Variants in AR observed in about 807,000 individuals in gnomAD.
AR encodes the protein androgen receptor, also known as dihydrotestosterone receptor.
AR carries 8 observed loss-of-function variants against 53.9 expected under a neutral mutation model. That is an observed-to-expected ratio of 0.15 (90% CI 0.09 to 0.27). AR has a LOEUF of 0.27. AR is among the 10% of genes least tolerant of loss of function. The pLI, the probability that AR is intolerant of heterozygous loss-of-function variation, is 1.00. For missense variants in AR, 639 were observed against 742.5 expected, an observed-to-expected ratio of 0.86 and a Z score of 1.62; for synonymous variants, 359 against 316.4, an observed-to-expected ratio of 1.13 and a Z score of -1.43.
intron 1 of AR, among the ~76,000 whole-genome samples, chrX:67,606,038 A>G (rs1433913777): frequency 8.9e-6 from 1 of 112,098 alleles, no homozygotes; most frequent in South Asian, 3.8e-4. Context: ...GGAGACAAAT[A>G]TATGAGCAAA....
intron 2 of AR, among the ~76,000 whole-genome samples, chrX:67,670,712 A>G (rs753085434): frequency 9.1e-6 from 1 of 110,394 alleles, no homozygotes; most frequent in African/African-American, 3.3e-5. Context: ...CCTGCCATAT[A>G]CATTAAGTAT....
At position 67,715,558 on chromosome X, in the gene AR, A is replaced by G. The variant is rs559603544; in HGVS notation, c.2174-1920A>G. On this transcript the variant is annotated intron_variant, in intron 4 of 7. Coordinates refer to ENST00000374690, the MANE Select transcript of AR (RefSeq NM_000044.6). ...TTCAGACCTGATCCTATGGCTGACAAAAGCTGGTGACCTTGGTAGTTCCTG... is the reference window on the plus strand; with the variant it reads ...TTCAGACCTGATCCTATGGCTGACAGAAGCTGGTGACCTTGGTAGTTCCTG... Among the ~76,000 whole-genome samples, 9 of 111,976 alleles carry G rather than the reference A, an allele frequency of 8.0e-5. No individual in the cohort carries two copies. The South Asian group carries it at 3.4e-3, about 42-fold the overall frequency.
chrX:67,575,029 T>C (rs1921987764), intron 1 of AR, among the ~76,000 whole-genome samples: 1 of 111,393 alleles, frequency 9.0e-6, no homozygotes, highest in South Asian at 3.8e-4. Context: ...AAAATGTTTC[T>C]TTGTAGGACA....
At chrX:67,704,403 T>C (rs1477966627) in intron 3 of AR, among the ~76,000 whole-genome samples, 1 of 112,604 alleles carries the variant, frequency 8.9e-6, no homozygotes, top group Non-Finnish European at 1.9e-5. Context: ...CCAGTGATGA[T>C]GAGCATTTTT....
At chrX:67,722,252 T>C in intron 6 of AR, 1 of 309,063 alleles carries the variant, frequency 3.2e-6, no homozygotes, top group Non-Finnish European at 5.8e-6. Context: ...AGCAGGTCTC[T>C]GAATTTTTCC....
At chrX:67,647,962 C>T (rs1457116614) in intron 2 of AR, among the ~76,000 whole-genome samples, 1 of 112,075 alleles carries the variant, frequency 8.9e-6, no homozygotes, top group Non-Finnish European at 1.9e-5. Flanking sequence ...AGAAATCATT[C>T]TTAGCTCTTT....
intron 1 of AR, among the ~76,000 whole-genome samples, chrX:67,627,708 G>T (rs1470657979): frequency 9.0e-6 from 1 of 111,715 alleles, no homozygotes; most frequent in Non-Finnish European, 1.9e-5. Flanking sequence ...TGAAGTCCTT[G>T]CCCATGCCTA....
At chrX:67,658,809 T>C (rs1428947849) in intron 2 of AR, among the ~76,000 whole-genome samples, 1 of 111,850 alleles carries the variant, frequency 8.9e-6, no homozygotes, top group African/African-American at 3.2e-5. Flanking sequence ...CAGGGCAGCA[T>C]GGGAGATTCA....
intron 1 of AR, among the ~76,000 whole-genome samples, chrX:67,602,666 C>T (rs1923428526): frequency 9.0e-6 from 1 of 111,444 alleles, no homozygotes; most frequent in Non-Finnish European, 1.9e-5. Flanking sequence ...GACCTACAGC[C>T]ATAAAGAATT....
At chrX:67,666,519 C>T (rs938592776) in intron 2 of AR, among the ~76,000 whole-genome samples, 1 of 111,701 alleles carries the variant, frequency 9.0e-6, no homozygotes, top group Middle Eastern at 4.6e-3. Flanking sequence ...CTGCAATAAA[C>T]GTGGGAATGC....
chrX:67,632,441 G>A (rs1925202090), intron 1 of AR, among the ~76,000 whole-genome samples: 1 of 112,438 alleles, frequency 8.9e-6, no homozygotes, highest in African/African-American at 3.2e-5. Context: ...ACTAGGAATG[G>A]GAACTCCCTG....
At chrX:67,613,282 T>C (rs776081318) in intron 1 of AR, among the ~76,000 whole-genome samples, 2 of 111,993 alleles carry the variant, frequency 1.8e-5, no homozygotes, top group Non-Finnish European at 3.8e-5. Context: ...CAAATTCTAT[T>C]GCAGTGACAG....
intron 3 of AR, among the ~76,000 whole-genome samples, chrX:67,699,808 G>A (rs1216385305): frequency 9.0e-6 from 1 of 111,142 alleles, no homozygotes; most frequent in African/African-American, 3.3e-5. Flanking sequence ...TAAGACTTTG[G>A]AAACTTCACG....
intron 2 of AR, 63 bp from the exon 3 acceptor site, chrX:67,685,947 C>A: frequency 8.3e-7 from 1 of 1,202,101 alleles, no homozygotes; most frequent in Non-Finnish European, 1.1e-6. Flanking sequence ...CTAGAAATAC[C>A]CGAAGAAAGA....
chrX:67,610,545 A>G (rs531525927), intron 1 of AR, among the ~76,000 whole-genome samples: 2 of 111,166 alleles, frequency 1.8e-5, no homozygotes, highest in East Asian at 2.8e-4. Flanking sequence ...GAGATTTTCT[A>G]TGTATATATA....
intron 2 of AR, among the ~76,000 whole-genome samples, chrX:67,658,785 G>A (rs1334075002): frequency 8.9e-6 from 1 of 112,198 alleles, no homozygotes; most frequent in South Asian, 3.7e-4. Context: ...AAAACCAGCA[G>A]AGGCAGGAAA....
At position 67,722,996 on chromosome X, in the gene AR, A is replaced by G. The variant is rs752188323; in HGVS notation, c.2607+12A>G. The G allele has an allele frequency of 6.2e-5, 75 of 1,208,687 alleles. No homozygotes were observed. The highest frequency in any genetic ancestry group is 8.8e-5 in the Admixed American group (4 of 45,701). On this transcript the variant is annotated intron_variant, in intron 7 of 7. Transcript: ENST00000374690. ...ACTCCGTGCAGCCTGTAAGCAAACG[A>G]TGGAGGGTGCTTTATCAGGGAGAAC...
chrX:67,702,792 G>A (rs186172505), intron 3 of AR, among the ~76,000 whole-genome samples: 4 of 112,462 alleles, frequency 3.6e-5, no homozygotes, highest in Non-Finnish European at 7.5e-5. Flanking sequence ...AGAACTAAAA[G>A]TCAGTTCCAG....
At chrX:67,622,336 T>C (rs1030287916) in intron 1 of AR, among the ~76,000 whole-genome samples, 2 of 111,105 alleles carry the variant, frequency 1.8e-5, no homozygotes, top group Non-Finnish European at 3.8e-5. Context: ...AAAAATTGGC[T>C]CACAGAAGAC....
Sources: allele counts gnomAD v4.1 joint callset (sites outside exome capture counted in the v4.1 genomes callset), GRCh38; gene constraint gnomAD v4.1.1; transcripts MANE v1.5; gene names NCBI Gene and HGNC (gene_info 2026-07-23, HGNC 2026-07-21).